The following ESYT2 variants were observed in gnomAD, a reference collection of about 807,000 sequenced individuals.
The protein encoded by ESYT2 is extended synaptotagmin-2.
A neutral mutation model predicts 107.2 loss-of-function variants in ESYT2; 54 were observed. That is an observed-to-expected ratio of 0.50 (90% CI 0.40 to 0.63). The LOEUF (loss-of-function observed/expected upper bound fraction) is 0.63, where lower values mean the gene tolerates loss of function less well. Ranked by LOEUF, ESYT2 falls within the 30% of genes least tolerant of loss-of-function variation. ESYT2 has a pLI of 0.00. For missense variants in ESYT2, 1,020 were observed against 1,094.5 expected, an observed-to-expected ratio of 0.93 and a Z score of 0.96; for synonymous variants, 491 against 434.1, an observed-to-expected ratio of 1.13 and a Z score of -1.63.
rs370642541 is a variant in ESYT2, at chr7:158,748,292, A to G, written c.1558-12T>C. 1.9e-6 allele frequency: 3 copies of G among 1,601,374 alleles called. No homozygotes were observed. In the African/African-American group the frequency reaches 4.0e-5, roughly 21 times the overall value. ...GTTTTGTATCGAATCTAGAAGAAAT[A>G]TCCAAATTATTAGCTCTGATATTTT... On this transcript the variant is annotated splice_polypyrimidine_tract_variant and intron_variant, in intron 15 of 22. Transcript: ENST00000275418.
In ESYT2 at chr7:158,733,080, G is replaced by GA. The variant is rs1279361424; in HGVS notation, c.*1126dup. The GA allele has an allele frequency of 1.3e-5, 2 of 152,264 alleles. No individual in the cohort carries two copies. The highest frequency in any genetic ancestry group is 4.8e-5 in the African/African-American group (2 of 41,464). 9.4% of individuals were successfully genotyped at this position (152,264 alleles called of 1,614,324 possible). A position where few individuals can be genotyped will look rare whatever the true frequency, so the allele number is the denominator to read the frequency against. On this transcript the variant is annotated 3_prime_UTR_variant, in exon 23 of 23. Coordinates refer to ENST00000275418, the MANE Select transcript of ESYT2 (RefSeq NM_001367773.1). ...AGGCAGCCTGGGAAGTGGCTGCTGA[G>GA]AACAGCAGGGGCCGGGCTCGCAGCT...
intron 18 of ESYT2, among the ~76,000 whole-genome samples, chr7:158,739,626 G>A (rs1837119536): frequency 6.6e-6 from 1 of 152,190 alleles, no homozygotes; most frequent in Non-Finnish European, 1.5e-5. Flanking sequence ...GGGATTACAG[G>A]CGTGAGCCAT....
Position 158,814,039 on chromosome 7 carries a change from C to T in ESYT2, c.331-14967G>A, listed in dbSNP as rs570992801. On this transcript the variant is annotated intron_variant, in intron 1 of 22. Transcript: ENST00000275418. The stretch of plus-strand genomic sequence containing the variant: ...CTGTGATCCCAGCACTTTGGGAGGC[C>T]GAGGCAGGTGGATCACGAGGTCAGG... Among the ~76,000 whole-genome samples the T allele has an allele frequency of 2.0e-5, 3 of 151,888 alleles. No homozygotes were observed. In the East Asian group the frequency reaches 5.9e-4, roughly 30 times the overall value.
chr7:158,820,743 G>A (rs774971585), intron 1 of ESYT2, among the ~76,000 whole-genome samples: 1 of 152,190 alleles, frequency 6.6e-6, no homozygotes, highest in Non-Finnish European at 1.5e-5. Flanking sequence ...CCATGATTGT[G>A]CCACTGCACT....
intron 18 of ESYT2, among the ~76,000 whole-genome samples, chr7:158,740,423 A>G (rs1837150073): frequency 6.6e-6 from 1 of 152,206 alleles, no homozygotes; most frequent in African/African-American, 2.4e-5. Context: ...TGTCCTTATT[A>G]CAAGCATCAG....
At chr7:158,822,818 T>C (rs1050423548) in intron 1 of ESYT2, among the ~76,000 whole-genome samples, 4 of 151,876 alleles carry the variant, frequency 2.6e-5, no homozygotes, top group African/African-American at 9.7e-5. Flanking sequence ...TTAAAAATAT[T>C]TACCTAGTTT....
At chr7:158,745,162 C>T (rs1029865638) in intron 16 of ESYT2, among the ~76,000 whole-genome samples, 1 of 151,144 alleles carries the variant, frequency 6.6e-6, no homozygotes, top group Non-Finnish European at 1.5e-5. Flanking sequence ...GTCAGGCAAG[C>T]GGCATGACCA....
At chr7:158,736,129 G>A (rs1300685620) in intron 20 of ESYT2, among the ~76,000 whole-genome samples, 16 of 152,178 alleles carry the variant, frequency 1.1e-4, no homozygotes, top group African/African-American at 3.1e-4. Flanking sequence ...TCTCTCCTCC[G>A]GGCTGCGGGT....
rs1339224290 is a variant in ESYT2, at chr7:158,731,779, T to C, written c.*2428A>G. On this transcript the variant is annotated 3_prime_UTR_variant, in exon 23 of 23. Transcript: ENST00000275418. ...TAGAAAAGTTAAAATTCCCTTTTCTTAGATAAACTGATTATTTAAAACTGA... is the reference window on the plus strand; with the variant it reads ...TAGAAAAGTTAAAATTCCCTTTTCTCAGATAAACTGATTATTTAAAACTGA... The C allele has an allele frequency of 1.3e-5, 2 of 152,678 alleles. No homozygotes were observed. The highest frequency in any genetic ancestry group is 2.9e-5 in the Non-Finnish European group (2 of 68,048). The allele number at this position is 152,678 out of a possible 1,614,324, so 9.5% of individuals were successfully genotyped here.
intron 1 of ESYT2, among the ~76,000 whole-genome samples, chr7:158,811,869 G>A (rs1840002608): frequency 6.6e-6 from 1 of 152,188 alleles, no homozygotes; most frequent in South Asian, 2.1e-4. Flanking sequence ...GTGGGAAGAA[G>A]GGTACAGTCT....
At chr7:158,752,693 G>C in intron 14 of ESYT2, 88 bp downstream of exon 14, 1 of 839,894 alleles carries the variant, frequency 1.2e-6, no homozygotes, top group Non-Finnish European at 1.7e-6. Context: ...AATATGGGAG[G>C]TAATTTGCCA....
chr7:158,812,697 T>C (rs1047198441), intron 1 of ESYT2, among the ~76,000 whole-genome samples: 47 of 152,200 alleles, frequency 3.1e-4, no homozygotes, highest in Admixed American at 3.0e-3. Context: ...ACAACCCGAA[T>C]GGCCATTGTG....
intron 1 of ESYT2, among the ~76,000 whole-genome samples, chr7:158,819,631 T>C (rs1456597024): frequency 6.6e-6 from 1 of 152,250 alleles, no homozygotes; most frequent in Non-Finnish European, 1.5e-5. Context: ...TGTAATGTTA[T>C]CACTAGTTAG....
At chr7:158,813,272 T>C (rs761029180) in intron 1 of ESYT2, among the ~76,000 whole-genome samples, 6 of 151,478 alleles carry the variant, frequency 4.0e-5, no homozygotes, top group Admixed American at 6.6e-5. Context: ...ACAGGAAGAG[T>C]TGAATTGAAG....
At chr7:158,807,382 T>A (rs1221577713) in intron 1 of ESYT2, among the ~76,000 whole-genome samples, 1 of 152,216 alleles carries the variant, frequency 6.6e-6, no homozygotes, top group African/African-American at 2.4e-5. Flanking sequence ...TAAGTTTATG[T>A]ATCTCCTAGG....
At chr7:158,753,978 A>C (rs1449175064) in intron 13 of ESYT2, among the ~76,000 whole-genome samples, 3 of 152,172 alleles carry the variant, frequency 2.0e-5, no homozygotes, top group African/African-American at 7.2e-5. Context: ...TGCATCAAGT[A>C]AAGTAAAACA....
chr7:158,739,033 G>A lies in ESYT2; in HGVS notation c.2257C>T (p.His753Tyr). The A allele has an allele frequency of 6.2e-7, 1 of 1,614,032 alleles. No individual in the cohort carries two copies. Among genetic ancestry groups the A allele is most frequent in the South Asian group, 1.1e-5 (1 of 91,082 alleles). Residue 753 changes from histidine (H) to tyrosine (Y), a missense_variant, in exon 19 of 23, where the codon CAT becomes TAT. Transcript: ENST00000275418. Reference sequence around the variant, plus strand: ...GACCCCAGCCCCCACCTGCAGGCATGCACGACCACGATAAGCTTGTTTCTC... The same window carrying A: ...GACCCCAGCCCCCACCTGCAGGCATACACGACCACGATAAGCTTGTTTCTC... ...SQRNKLIVVV[H>Y]ACRNLIAFSE... is the part of the protein sequence containing the mutation.
chr7:158,752,897 A>G, intron 13 of ESYT2, 54 bp from the exon 14 acceptor site: 1 of 1,144,592 alleles, frequency 8.7e-7, no homozygotes, highest in Non-Finnish European at 1.2e-6. Context: ...CATGCAATGA[A>G]GTTTATGTAA....
chr7:158,739,224 A>C, intron 18 of ESYT2, 103 bp from the exon 19 acceptor site: 1 of 989,948 alleles, frequency 1.0e-6, no homozygotes, highest in Non-Finnish European at 1.5e-6. Context: ...TCATTTAGAC[A>C]AAAAGAAGTC....
Sources: allele counts gnomAD v4.1 joint callset (sites outside exome capture counted in the v4.1 genomes callset), GRCh38; gene constraint gnomAD v4.1.1; transcripts MANE v1.5; gene names NCBI Gene and HGNC (gene_info 2026-07-23, HGNC 2026-07-21).